The following IMPG2 variants were observed in gnomAD, a reference collection of about 807,000 sequenced individuals.
IMPG2 encodes IPM 200.
A neutral mutation model predicts 129.2 loss-of-function variants in IMPG2; 91 were observed. That is an observed-to-expected ratio of 0.70 (90% confidence interval 0.59 to 0.84). IMPG2 has a LOEUF of 0.84. Ranked by LOEUF, IMPG2 falls within the 40% of genes least tolerant of loss-of-function variation. The probability of loss-of-function intolerance (pLI) is 0.00; values close to 1 mark genes in which losing one functional copy is unlikely to be tolerated. For missense variants in IMPG2, 1,430 were observed against 1,461.7 expected (o/e 0.98, Z 0.35); for synonymous variants, 510 against 517.7 (o/e 0.99, Z 0.20).
At chr3:101,275,897 A>G in intron 5 of IMPG2, 152 bp from the exon 6 acceptor site, 1 of 673,274 alleles carries the variant, frequency 1.5e-6, no homozygotes, top group Non-Finnish European at 2.7e-6. Context: ...CTCAGGACAT[A>G]TTTGTATGGA....
chr3:101,292,638 T>C (rs562018249), intron 3 of IMPG2, among the ~76,000 whole-genome samples: 5 of 152,276 alleles, frequency 3.3e-5, no homozygotes, highest in African/African-American at 1.2e-4. Flanking sequence ...TTCATAAAAA[T>C]AAGACAACAA....
rs1706304286 is a variant in IMPG2 at position 101,232,815 on chromosome 3, A to T, written c.3199T>A (p.Cys1067Ser). The change falls in exon 15 of 19, where the codon TGT becomes AGT. Residue 1067 changes from cysteine to serine, a missense_variant. By Grantham distance (112) the Cys-to-Ser change is moderately radical. Transcript: ENST00000193391. Reference sequence around the variant, plus strand: ...GCCCCGTGCCCAGGCATAATGTCACACTTTCCATCATTCAAGCAGAAGTCA... The same window carrying T: ...GCCCCGTGCCCAGGCATAATGTCACTCTTTCCATCATTCAAGCAGAAGTCA... ...QPDFCLNDGKCDIMPGHGAIC... is the reference protein window; with the variant it reads ...QPDFCLNDGKSDIMPGHGAIC... 2 of 1,613,580 alleles carry T rather than the reference A, an allele frequency of 1.2e-6. No individual in the cohort carries two copies. Among genetic ancestry groups the T allele is most frequent in the South Asian group, 1.1e-5 (1 of 91,042 alleles).
At position 101,226,924 on chromosome 3, in the gene IMPG2, C is replaced by T. The variant is rs377140286; in HGVS notation, c.*45G>A. Reference sequence around the variant, plus strand: ...ATATGACATAAGTAACAAGTAATCTCCATCTTCTCCAGGCTTCTAATCAGT... The same window carrying T: ...ATATGACATAAGTAACAAGTAATCTTCATCTTCTCCAGGCTTCTAATCAGT... On this transcript the variant is annotated 3_prime_UTR_variant, in exon 19 of 19. Transcript: ENST00000193391. 106 of 1,596,742 alleles carry T rather than the reference C, an allele frequency of 6.6e-5. No individual in the cohort carries two copies. In the Middle Eastern group the frequency reaches 8.3e-4, roughly 13 times the overall value.
At chr3:101,315,040 T>C (rs1011221725) in intron 2 of IMPG2, among the ~76,000 whole-genome samples, 12 of 152,122 alleles carry the variant, frequency 7.9e-5, no homozygotes, top group African/African-American at 2.9e-4. Flanking sequence ...TGTTATATCT[T>C]TTCTGCCCAT....
At chr3:101,247,537 T>C (rs111229810) in intron 11 of IMPG2, among the ~76,000 whole-genome samples, 3,287 of 151,946 alleles carry the variant, frequency 0.022, 112 homozygotes, top group African/African-American at 0.075. Flanking sequence ...GCGGAGGCTG[T>C]GGTGAGCCAA....
At chr3:101,315,072 A>T (rs1042757811) in intron 2 of IMPG2, among the ~76,000 whole-genome samples, 1 of 152,166 alleles carries the variant, frequency 6.6e-6, no homozygotes, top group African/African-American at 2.4e-5. Context: ...TCCACCAAGC[A>T]TACCTACAAG....
intron 2 of IMPG2, among the ~76,000 whole-genome samples, chr3:101,319,352 A>C (rs997798669): frequency 6.6e-6 from 1 of 152,162 alleles, no homozygotes; most frequent in Admixed American, 6.6e-5. Context: ...TGTCATTATT[A>C]AATGATATTA....
At chr3:101,293,241 A>C (rs563308011) in intron 3 of IMPG2, among the ~76,000 whole-genome samples, 20 of 152,352 alleles carry the variant, frequency 1.3e-4, no homozygotes, top group African/African-American at 4.6e-4. Context: ...CTAAAATCAC[A>C]ACACTGAAAA....
Position 101,320,448 on chromosome 3 carries a change from CAAAGA to C in IMPG2, c.-81_-77del. The C allele has an allele frequency of 1.1e-6, 1 of 892,230 alleles. No individual in the cohort carries two copies. Among genetic ancestry groups the C allele is most frequent in the Non-Finnish European group, 1.9e-6 (1 of 534,316 alleles). The allele number at this position is 892,230 out of a possible 1,614,324, so 55.3% of individuals were successfully genotyped here. A position where few individuals can be genotyped will look rare whatever the true frequency, so the allele number is the denominator to read the frequency against. On this transcript the variant is annotated 5_prime_UTR_variant, in exon 1 of 19. The change abolishes the stop of an existing upstream ORF in the 5' untranslated region. Transcript: ENST00000193391. Reference sequence around the variant, plus strand: ...TCCAAATCCTTGAAACTTCCAATAACAAAGAGTTATAGGAAAGACCTAACATTTAA... The same window carrying C: ...TCCAAATCCTTGAAACTTCCAATAACGTTATAGGAAAGACCTAACATTTAA...
intron 8 of IMPG2, among the ~76,000 whole-genome samples, chr3:101,267,993 G>A (rs1706739823): frequency 6.6e-6 from 1 of 152,102 alleles, no homozygotes; most frequent in Non-Finnish European, 1.5e-5. Context: ...ATTTTATGTA[G>A]CAGATGCTTA....
chr3:101,242,177 T>C (rs775210111), intron 14 of IMPG2, among the ~76,000 whole-genome samples: 3 of 152,150 alleles, frequency 2.0e-5, no homozygotes, highest in Admixed American at 6.6e-5. Flanking sequence ...AAGAGCTCAC[T>C]CATAGCTATC....
At chr3:101,302,388 T>C (rs1452363355) in intron 3 of IMPG2, among the ~76,000 whole-genome samples, 2 of 152,196 alleles carry the variant, frequency 1.3e-5, no homozygotes, top group African/African-American at 4.8e-5. Flanking sequence ...TATAAGTATG[T>C]ATATGTGTGT....
At chr3:101,300,211 G>A (rs1370431846) in intron 3 of IMPG2, among the ~76,000 whole-genome samples, 1 of 152,254 alleles carries the variant, frequency 6.6e-6, no homozygotes, top group Non-Finnish European at 1.5e-5. Context: ...GTTGGACTGT[G>A]GGGTATACCT....
intron 14 of IMPG2, among the ~76,000 whole-genome samples, chr3:101,236,893 T>A (rs1017609059): frequency 2.6e-5 from 4 of 152,138 alleles, no homozygotes; most frequent in African/African-American, 9.7e-5. Flanking sequence ...GAAAGGAGGC[T>A]GAAGCCAGGG....
At chr3:101,319,886 G>A in intron 1 of IMPG2, 54 bp from the exon 2 acceptor site, 2 of 1,579,220 alleles carry the variant, frequency 1.3e-6, no homozygotes, top group Non-Finnish European at 1.7e-6. Context: ...AGTACAAAAG[G>A]TAACAACTAA....
At chr3:101,256,217 GA>G (rs140955011) in intron 10 of IMPG2, among the ~76,000 whole-genome samples, 56 of 138,168 alleles carry the variant, frequency 4.1e-4, no homozygotes, top group East Asian at 4.3e-4. Context: ...AAGAAAGAAA[GA>G]AAAAAATATC....
rs79242736 is a variant in IMPG2, at chr3:101,286,516, T to C, written c.533+4963A>G. On this transcript the variant is annotated intron_variant, in intron 4 of 18. Coordinates refer to ENST00000193391, the MANE Select transcript of IMPG2 (RefSeq NM_016247.4). ...ACAAGATAATGAAGAAAAAGTCTCA[T>C]CTCTCTTCCCCTTGGCATCTTTATG... Among the ~76,000 whole-genome samples the C allele has an allele frequency of 8.6e-3, 1,310 of 152,270 alleles. 20 individuals are homozygous for C. Among genetic ancestry groups the C allele is most frequent in the African/African-American group, 0.03 (1,260 of 41,556 alleles).
intron 2 of IMPG2, among the ~76,000 whole-genome samples, chr3:101,314,007 C>T (rs1458518294): frequency 6.6e-6 from 1 of 151,902 alleles, no homozygotes; most frequent in Non-Finnish European, 1.5e-5. Context: ...ATGTGAAATC[C>T]TTATAAATAA....
At chr3:101,274,388 T>C (rs1706820756) in intron 6 of IMPG2, among the ~76,000 whole-genome samples, 1 of 152,056 alleles carries the variant, frequency 6.6e-6, no homozygotes, top group African/African-American at 2.4e-5. Context: ...CCTATGTTGC[T>C]CAGGATAAGA....
Sources: gnomAD v4.1 joint callset for allele counts (sites outside exome capture counted in the v4.1 genomes callset) on GRCh38, gnomAD v4.1.1 for gene constraint, MANE v1.5 for transcripts, NCBI Gene and HGNC (gene_info 2026-07-23, HGNC 2026-07-21) for gene names.